NRG3: variants seen among roughly 807,000 people sequenced by gnomAD.
The protein encoded by NRG3 is pro-neuregulin-3, membrane-bound isoform.
Under a neutral mutation model 66.9 loss-of-function variants are expected in NRG3, and 31 were observed. That is an observed-to-expected ratio of 0.46 (90% CI 0.35 to 0.63). The LOEUF (loss-of-function observed/expected upper bound fraction) is 0.63, where lower values mean the gene tolerates loss of function less well. NRG3 is among the 20% of genes least tolerant of loss of function. NRG3 has a pLI of 0.00. For missense variants in NRG3, 910 were observed against 878.9 expected (o/e 1.04, Z -0.45); for synonymous variants, 393 against 359.4 (o/e 1.09, Z -1.06).
intron 1 of NRG3, among the ~76,000 whole-genome samples, chr10:82,301,536 A>G (rs1367315711): frequency 6.6e-6 from 1 of 151,978 alleles, no homozygotes; most frequent in African/African-American, 2.4e-5. Flanking sequence ...ACATCCTAGT[A>G]TGGTTTCTGT....
Position 82,022,351 on chromosome 10 carries a change from G to A in NRG3, c.823+146188G>A, listed in dbSNP as rs553363747. 2.0e-5 allele frequency among the ~76,000 whole-genome samples: 3 copies of A among 152,150 alleles called. No homozygotes were observed. The South Asian group carries it at 6.2e-4, about 32-fold the overall frequency. ...TAAGTAAGCAAATCCACCACTGGGA[G>A]AATGACAAACCCTGTCAGTCACATG... On this transcript the variant is annotated intron_variant, in intron 1 of 8. Coordinates refer to ENST00000372141, the MANE Select transcript of NRG3 (RefSeq NM_001010848.4).
At chr10:82,397,024 G>T (rs932766013) in intron 2 of NRG3, among the ~76,000 whole-genome samples, 5 of 152,120 alleles carry the variant, frequency 3.3e-5, no homozygotes, top group Non-Finnish European at 7.4e-5. Flanking sequence ...TCCAATGTCA[G>T]GAGAACTGCC....
At chr10:81,903,002 G>GA (rs142245311) in intron 1 of NRG3, among the ~76,000 whole-genome samples, 11,378 of 151,658 alleles carry the variant, frequency 0.075, 585 homozygotes, top group South Asian at 0.19. Flanking sequence ...CCATTTCACT[G>GA]AAAAAAAAGG....
intron 1 of NRG3, among the ~76,000 whole-genome samples, chr10:81,942,239 A>G (rs1307635414): frequency 1.3e-5 from 2 of 152,114 alleles, no homozygotes; most frequent in Non-Finnish European, 2.9e-5. Flanking sequence ...CATAACAGAA[A>G]TGCGACTGCG....
intron 3 of NRG3, among the ~76,000 whole-genome samples, chr10:82,753,151 C>A (rs544674679): frequency 6.6e-6 from 1 of 152,048 alleles, no homozygotes; most frequent in Admixed American, 6.6e-5. Context: ...TTTGACATGA[C>A]GGTTTGTTTT....
chr10:81,955,497 G>C (rs1849743127), intron 1 of NRG3, among the ~76,000 whole-genome samples: 1 of 152,138 alleles, frequency 6.6e-6, no homozygotes, highest in South Asian at 2.1e-4. Flanking sequence ...TCTGTATCCA[G>C]CTAAGGGTGA....
chr10:82,827,238 T>C (rs970167046), intron 3 of NRG3: 2 of 333,914 alleles, frequency 6.0e-6, no homozygotes, highest in Non-Finnish European at 1.1e-5. Flanking sequence ...AAAAATCATG[T>C]AACGTAGATT....
intron 2 of NRG3, among the ~76,000 whole-genome samples, chr10:82,659,191 C>T (rs750597528): frequency 9.9e-5 from 15 of 152,144 alleles, no homozygotes; most frequent in Non-Finnish European, 1.8e-4. Flanking sequence ...TAGAATTATC[C>T]CAAACAATGG....
intron 2 of NRG3, among the ~76,000 whole-genome samples, chr10:82,441,217 A>G (rs1319867196): frequency 6.6e-6 from 1 of 152,276 alleles, no homozygotes; most frequent in Non-Finnish European, 1.5e-5. Context: ...GGAGAGAAAC[A>G]TATGTTAACT....
intron 2 of NRG3, among the ~76,000 whole-genome samples, chr10:82,713,236 A>C (rs1376511066): frequency 6.6e-6 from 1 of 151,860 alleles, no homozygotes; most frequent in Non-Finnish European, 1.5e-5. Flanking sequence ...ATTTTAAATG[A>C]CTTGGGGATT....
intron 2 of NRG3, among the ~76,000 whole-genome samples, chr10:82,680,285 G>C (rs1053499112): frequency 6.6e-6 from 1 of 152,092 alleles, no homozygotes; most frequent in African/African-American, 2.4e-5. Context: ...AGGCTGGTTG[G>C]GGTCTTCAAG....
chr10:82,065,251 T>G (rs2064387223), intron 1 of NRG3, among the ~76,000 whole-genome samples: 1 of 152,174 alleles, frequency 6.6e-6, no homozygotes, highest in African/African-American at 2.4e-5. Flanking sequence ...AAGCAGGAGA[T>G]GCTTGTTATT....
chr10:82,500,786 T>C (rs1248911418), intron 2 of NRG3, among the ~76,000 whole-genome samples: 5 of 152,130 alleles, frequency 3.3e-5, no homozygotes, highest in Non-Finnish European at 5.9e-5. Flanking sequence ...AAAATGATCT[T>C]TCCAGTTGAA....
intron 1 of NRG3, among the ~76,000 whole-genome samples, chr10:81,997,766 C>G (rs761982926): frequency 1.3e-5 from 2 of 151,930 alleles, no homozygotes; most frequent in East Asian, 1.9e-4. Context: ...TGCCATTGCT[C>G]TCTCCTATAA....
In NRG3 at chr10:82,234,476, T is replaced by G. The variant is rs944449335; in HGVS notation, c.824-124263T>G. Among the ~76,000 whole-genome samples, 3 of 152,234 alleles carry G rather than the reference T, an allele frequency of 2.0e-5. No individual in the cohort carries two copies. In the South Asian group the frequency reaches 6.2e-4, roughly 32 times the overall value. On this transcript the variant is annotated intron_variant, in intron 1 of 8. Coordinates refer to ENST00000372141, the MANE Select transcript of NRG3 (RefSeq NM_001010848.4). ...ATCTGGACGTTATGTTCCAGGAGAG[T>G]AGGGATAATATGAATGGTTTTCTCA...
At chr10:82,553,161 A>G (rs2044432987) in intron 2 of NRG3, among the ~76,000 whole-genome samples, 1 of 152,166 alleles carries the variant, frequency 6.6e-6, no homozygotes, top group South Asian at 2.1e-4. Context: ...TCTAAAATGA[A>G]GGCAAATGGA....
At chr10:82,493,955 A>G (rs868275884) in intron 2 of NRG3, among the ~76,000 whole-genome samples, 2 of 152,212 alleles carry the variant, frequency 1.3e-5, no homozygotes, top group Admixed American at 6.5e-5. Context: ...TCTCAAAAGA[A>G]GACACTCATG....
intron 2 of NRG3, among the ~76,000 whole-genome samples, chr10:82,594,329 T>C (rs2047149007): frequency 1.3e-5 from 2 of 152,180 alleles, no homozygotes. Context: ...AGTTTTAATA[T>C]GGAACAATAA....
intron 1 of NRG3, among the ~76,000 whole-genome samples, chr10:82,028,600 C>T (rs2062422543): frequency 6.6e-6 from 1 of 152,056 alleles, no homozygotes; most frequent in African/African-American, 2.4e-5. Flanking sequence ...TTGGGCTTCT[C>T]TGACCTGGCA....
Sources: gnomAD v4.1 joint callset for allele counts (sites outside exome capture counted in the v4.1 genomes callset) on GRCh38, gnomAD v4.1.1 for gene constraint, MANE v1.5 for transcripts, NCBI Gene and HGNC (gene_info 2026-07-23, HGNC 2026-07-21) for gene names.